DNAJC1: variants seen among roughly 807,000 people sequenced by gnomAD.
DNAJC1 encodes DnaJ heat shock protein family (Hsp40) member C1.
In DNAJC1, 58 loss-of-function variants were observed where a neutral mutation model predicts 76.6. The ratio of observed to expected loss-of-function variants is 0.76; its 90% confidence interval spans 0.61 to 0.94. The LOEUF is 0.94. Ranked by LOEUF, DNAJC1 falls within the 40% of genes least tolerant of loss-of-function variation. DNAJC1 has a pLI of 0.00. For missense variants in DNAJC1, 689 were observed against 677.3 expected (o/e 1.02, Z -0.19); for synonymous variants, 258 against 267.9 (o/e 0.96, Z 0.36).
rs33953332 is a variant in DNAJC1, at chr10:21,849,292, C to CAAAAAAAAAAA, written c.978+32979_978+32989dup. 8.4e-5 allele frequency among the ~76,000 whole-genome samples: 3 copies of CAAAAAAAAAAA among 35,872 alleles called. 1 individual carries two copies. The highest frequency in any genetic ancestry group is 2.5e-4 in the African/African-American group (2 of 8,086). 23.5% of individuals were successfully genotyped at this position (35,872 alleles called of 152,430 possible). ...TGGGTGACAGAGTGGGACTCCGCCT[C>CAAAAAAAAAAA]AAAAAAAAAAAAAAAAAAAAAAAAA... On this transcript the variant is annotated intron_variant, in intron 8 of 11. Transcript: ENST00000376980.
intron 9 of DNAJC1, among the ~76,000 whole-genome samples, chr10:21,801,119 A>G (rs1361215818): frequency 2.6e-5 from 4 of 152,194 alleles, no homozygotes; most frequent in Non-Finnish European, 5.9e-5. Flanking sequence ...TCATTATGAA[A>G]AAACAAATAA....
At chr10:21,833,328 G>T (rs1835392411) in intron 8 of DNAJC1, among the ~76,000 whole-genome samples, 1 of 152,030 alleles carries the variant, frequency 6.6e-6, no homozygotes. Context: ...AAAATCAGCT[G>T]GGCATGGTGA....
At chr10:21,811,932 T>C (rs1259776027) in intron 8 of DNAJC1, among the ~76,000 whole-genome samples, 1 of 152,224 alleles carries the variant, frequency 6.6e-6, no homozygotes, top group Non-Finnish European at 1.5e-5. Flanking sequence ...CAGCAATGCA[T>C]GAGCATTCTT....
chr10:21,831,310 G>A (rs933315635), intron 8 of DNAJC1, among the ~76,000 whole-genome samples: 1 of 152,114 alleles, frequency 6.6e-6, no homozygotes, highest in Admixed American at 6.5e-5. Context: ...GCTGCCTCTG[G>A]ACTCAAAGGC....
At chr10:21,865,014 C>T (rs1360140223) in intron 8 of DNAJC1, among the ~76,000 whole-genome samples, 1 of 152,082 alleles carries the variant, frequency 6.6e-6, no homozygotes, top group Non-Finnish European at 1.5e-5. Context: ...ATCACAACGA[C>T]GTACTCCTAC....
intron 1 of DNAJC1, among the ~76,000 whole-genome samples, chr10:21,954,316 CATA>C (rs1455922246): frequency 1.3e-5 from 2 of 152,118 alleles, no homozygotes; most frequent in Non-Finnish European, 2.9e-5. Flanking sequence ...AGGATGTAGT[CATA>C]ATGATACTTC....
intron 1 of DNAJC1, among the ~76,000 whole-genome samples, chr10:21,949,738 G>A (rs918957230): frequency 6.6e-6 from 1 of 151,816 alleles, no homozygotes; most frequent in Non-Finnish European, 1.5e-5. Flanking sequence ...GCCCTCTATT[G>A]ACAAACTAGG....
chr10:21,765,709 G>A (rs951153747), intron 10 of DNAJC1, among the ~76,000 whole-genome samples: 6 of 152,146 alleles, frequency 3.9e-5, no homozygotes, highest in African/African-American at 1.4e-4. Context: ...GTCAGGTGCA[G>A]TGGCGGGCGC....
intron 9 of DNAJC1, among the ~76,000 whole-genome samples, chr10:21,780,706 A>G (rs1834517321): frequency 6.6e-6 from 1 of 152,282 alleles, no homozygotes; most frequent in Non-Finnish European, 1.5e-5. Flanking sequence ...AAAATAACCA[A>G]CTAACATCAT....
At chr10:21,972,229 T>C (rs755911316) in intron 1 of DNAJC1, among the ~76,000 whole-genome samples, 3 of 151,988 alleles carry the variant, frequency 2.0e-5, no homozygotes, top group Non-Finnish European at 4.4e-5. Flanking sequence ...ATTTTCTAAA[T>C]GTTTATTCTC....
At chr10:21,945,325 A>G (rs550181949) in intron 1 of DNAJC1, among the ~76,000 whole-genome samples, 97 of 152,332 alleles carry the variant, frequency 6.4e-4, no homozygotes, top group Admixed American at 5.8e-3. Flanking sequence ...AAATGAAGGG[A>G]AATTTTCAAG....
rs954205026 is a variant in DNAJC1 at position 22,003,702 on chromosome 10, G to A, written c.-268C>T. On this transcript the variant is annotated 5_prime_UTR_variant, in exon 1 of 12. Transcript: ENST00000376980. ...CCCCAGGCCTACACACAGCTGTAGA[G>A]GCAGCGCCCGGCGCCTGGGCTGCAC... The A allele has an allele frequency of 1.4e-5, 5 of 355,354 alleles. No homozygotes were observed. Among genetic ancestry groups the A allele is most frequent in the African/African-American group, 2.1e-5 (1 of 46,952 alleles). The allele number at this position is 355,354 out of a possible 1,614,324, so 22.0% of individuals were successfully genotyped here.
chr10:21,763,565 GT>G (rs34169717), intron 10 of DNAJC1, among the ~76,000 whole-genome samples: 258 of 127,338 alleles, frequency 2.0e-3, no homozygotes, highest in Middle Eastern at 0.013. Flanking sequence ...TGTGCAGGTT[GT>G]TTTTTTTTTT....
At chr10:21,766,232 T>C in intron 10 of DNAJC1, 29 bp downstream of exon 10, 1 of 1,539,672 alleles carries the variant, frequency 6.5e-7, no homozygotes, top group Non-Finnish European at 9.0e-7. Context: ...CCACTTTAGA[T>C]TAATGAGATA....
At chr10:21,861,576 C>T (rs931229193) in intron 8 of DNAJC1, among the ~76,000 whole-genome samples, 12 of 152,070 alleles carry the variant, frequency 7.9e-5, no homozygotes, top group African/African-American at 2.7e-4. Flanking sequence ...CAGGATGAGA[C>T]AGGAAGGAGG....
chr10:21,806,111 T>C lies in DNAJC1; in HGVS notation c.979-12A>G, dbSNP rs201992321. 2 of 1,582,168 alleles carry C rather than the reference T, an allele frequency of 1.3e-6. No individual in the cohort carries two copies. The highest frequency in any genetic ancestry group is 1.7e-6 in the Non-Finnish European group (2 of 1,164,504). The stretch of plus-strand genomic sequence containing the variant: ...GTCCATTCAGGTGCCTGCAAAACAT[T>C]AAAGAAAATAAAAAAAGATAATTGG... On this transcript the variant is annotated splice_polypyrimidine_tract_variant and intron_variant, in intron 8 of 11. Transcript: ENST00000376980.
chr10:21,997,987 G>T (rs1838446360), intron 1 of DNAJC1, among the ~76,000 whole-genome samples: 1 of 152,078 alleles, frequency 6.6e-6, no homozygotes, highest in Non-Finnish European at 1.5e-5. Context: ...AATTTAGCTT[G>T]TCATTATTTC....
chr10:22,000,347 G>A (rs985260908), intron 1 of DNAJC1, among the ~76,000 whole-genome samples: 5 of 152,138 alleles, frequency 3.3e-5, no homozygotes, highest in Non-Finnish European at 7.3e-5. Flanking sequence ...TATCTTTTCT[G>A]TTCAAACACC....
intron 7 of DNAJC1, among the ~76,000 whole-genome samples, chr10:21,885,805 A>C (rs1232955331): frequency 6.6e-6 from 1 of 152,228 alleles, no homozygotes; most frequent in Admixed American, 6.5e-5. Context: ...AAGATACAAC[A>C]TACCAGAATA....
Sources: gnomAD v4.1 joint callset for allele counts (sites outside exome capture counted in the v4.1 genomes callset) on GRCh38, gnomAD v4.1.1 for gene constraint, MANE v1.5 for transcripts, NCBI Gene and HGNC (gene_info 2026-07-23, HGNC 2026-07-21) for gene names.